BABAM2: variants seen among roughly 807,000 people sequenced by gnomAD.
The protein encoded by BABAM2 is BRISC and BRCA1 A complex member 2.
A neutral mutation model predicts 54.7 loss-of-function variants in BABAM2; 31 were observed. That is an observed-to-expected ratio of 0.57 (90% CI 0.43 to 0.77). The LOEUF is 0.77. BABAM2 is among the 30% of genes least tolerant of loss of function. The pLI is 0.00. For missense variants in BABAM2, 364 were observed against 455.8 expected, an observed-to-expected ratio of 0.80 and a Z score of 1.83; for synonymous variants, 167 against 162.9, an observed-to-expected ratio of 1.03 and a Z score of -0.19.
At chr2:28,034,284 G>A (rs1233241597) in intron 5 of BABAM2, among the ~76,000 whole-genome samples, 3 of 152,146 alleles carry the variant, frequency 2.0e-5, no homozygotes, top group Non-Finnish European at 4.4e-5. Flanking sequence ...CTTTTTGTGT[G>A]ACTCTAGGTT....
intron 7 of BABAM2, among the ~76,000 whole-genome samples, chr2:28,169,733 A>G (rs562891737): frequency 1.9e-4 from 29 of 151,672 alleles, no homozygotes; most frequent in African/African-American, 6.8e-4. Context: ...CTGTGATTGT[A>G]CCAATGTACA....
At chr2:28,248,918 T>C (rs1683161462) in intron 10 of BABAM2, among the ~76,000 whole-genome samples, 1 of 152,180 alleles carries the variant, frequency 6.6e-6, no homozygotes, top group South Asian at 2.1e-4. Flanking sequence ...TGCTCAGTAC[T>C]ATGCGAGGTA....
At chr2:28,014,550 G>A (rs1187641184) in intron 4 of BABAM2, among the ~76,000 whole-genome samples, 1 of 151,144 alleles carries the variant, frequency 6.6e-6, no homozygotes, top group Non-Finnish European at 1.5e-5. Flanking sequence ...CCATTTATTG[G>A]TGTCTACTTA....
chr2:28,315,436 CTTTTCTTTTCTTTTCT>C (rs1435625594), intron 11 of BABAM2, among the ~76,000 whole-genome samples: 10 of 33,714 alleles, frequency 3.0e-4, no homozygotes, highest in South Asian at 1.1e-3. Context: ...CTTTTCTTTT[CTTTTCTTTTCTTTTCT>C]TTTCTTTTCT....
In BABAM2 at chr2:28,183,739, T is replaced by TCTCTCACACACACA. The variant is rs1553336494; in HGVS notation, c.681-53462_681-53461insTCTCACACACACAC. On this transcript the variant is annotated intron_variant, in intron 7 of 11. Coordinates refer to ENST00000379624, the MANE Select transcript of BABAM2 (RefSeq NM_199191.3). ...ATTTTATGTTACTTTTGGATGAAGA[T>TCTCTCACACACACA]CACACACACACACACACACACACAC... Among the ~76,000 whole-genome samples the TCTCTCACACACACA allele has an allele frequency of 8.1e-3, 1,076 of 133,184 alleles. 10 individuals carry two copies. Among genetic ancestry groups the TCTCTCACACACACA allele is most frequent in the South Asian group, 0.02 (80 of 4,092 alleles). 87.4% of individuals were successfully genotyped at this position (133,184 alleles called of 152,430 possible).
chr2:28,133,185 T>C (rs1209076404), intron 7 of BABAM2, among the ~76,000 whole-genome samples: 4 of 152,250 alleles, frequency 2.6e-5, no homozygotes, highest in Admixed American at 2.6e-4. Flanking sequence ...ATACTTGTGG[T>C]TAATTCTTCC....
chr2:28,185,499 T>C (rs1676181529), intron 7 of BABAM2, among the ~76,000 whole-genome samples: 1 of 152,226 alleles, frequency 6.6e-6, no homozygotes, highest in African/African-American at 2.4e-5. Context: ...CTTGGATTCC[T>C]GCAATACTAA....
intron 6 of BABAM2, among the ~76,000 whole-genome samples, chr2:28,092,004 T>C (rs1032079225): frequency 1.3e-5 from 2 of 152,100 alleles, no homozygotes; most frequent in Non-Finnish European, 2.9e-5. Context: ...CCAAAATCTA[T>C]CTAGGATGTT....
intron 7 of BABAM2, among the ~76,000 whole-genome samples, chr2:28,181,465 T>C (rs1244154641): frequency 6.6e-6 from 1 of 152,138 alleles, no homozygotes; most frequent in Non-Finnish European, 1.5e-5. Context: ...TACAAACATA[T>C]AGTTAGAAGG....
intron 4 of BABAM2, among the ~76,000 whole-genome samples, chr2:28,017,364 A>G (rs1447647986): frequency 6.6e-6 from 1 of 151,538 alleles, no homozygotes; most frequent in East Asian, 1.9e-4. Context: ...GTTGTTGGTG[A>G]TTTCCTAAGA....
intron 11 of BABAM2, among the ~76,000 whole-genome samples, chr2:28,321,516 G>A (rs1354272964): frequency 1.3e-5 from 2 of 152,142 alleles, no homozygotes; most frequent in Admixed American, 1.3e-4. Flanking sequence ...GGAATCGTGT[G>A]AAATCTAAGC....
At chr2:28,335,358 C>T (rs956643784) in intron 11 of BABAM2, among the ~76,000 whole-genome samples, 2 of 152,068 alleles carry the variant, frequency 1.3e-5, no homozygotes, top group East Asian at 1.9e-4. Flanking sequence ...TTAGTAGAGA[C>T]GGGGTTTCGC....
At chr2:27,962,130 T>C (rs1411449113) in intron 3 of BABAM2, among the ~76,000 whole-genome samples, 1 of 150,564 alleles carries the variant, frequency 6.6e-6, no homozygotes, top group Non-Finnish European at 1.5e-5. Flanking sequence ...TTTTAAGAAA[T>C]GAGATCTCAC....
At chr2:27,899,531 A>G (rs1011965686) in intron 2 of BABAM2, among the ~76,000 whole-genome samples, 3 of 151,416 alleles carry the variant, frequency 2.0e-5, no homozygotes, top group Non-Finnish European at 4.4e-5. Flanking sequence ...CTGGAGGGCA[A>G]TGGCGCGATC....
chr2:28,039,592 C>G (rs1180815391), intron 5 of BABAM2, among the ~76,000 whole-genome samples: 1 of 152,184 alleles, frequency 6.6e-6, no homozygotes, highest in Non-Finnish European at 1.5e-5. Flanking sequence ...CAGATAAAAG[C>G]TTGTTTGTTG....
chr2:28,301,872 A>T (rs201207687), intron 11 of BABAM2, among the ~76,000 whole-genome samples: 15 of 152,272 alleles, frequency 9.9e-5, no homozygotes, highest in East Asian at 1.9e-4. Flanking sequence ...ATCTTTTTTT[A>T]AAATTACAGT....
intron 5 of BABAM2, among the ~76,000 whole-genome samples, chr2:28,026,949 AAT>A (rs1270629453): frequency 1.5e-3 from 5 of 3,276 alleles, no homozygotes; most frequent in South Asian, 0.056. Flanking sequence ...AATATATATT[AAT>A]ATATATAAAT....
Position 28,241,775 on chromosome 2 carries a change from G to A in BABAM2, c.851+382G>A, listed in dbSNP as rs79517004. Reference sequence around the variant, plus strand: ...CCCAAAGTGCTGGGATTACAGGCGTGAGCCACCACACCCAGCCCCACATGA... The same window carrying A: ...CCCAAAGTGCTGGGATTACAGGCGTAAGCCACCACACCCAGCCCCACATGA... On this transcript the variant is annotated intron_variant, in intron 9 of 11. Transcript: ENST00000379624. Among the ~76,000 whole-genome samples the A allele has an allele frequency of 7.3e-5, 11 of 151,694 alleles. No homozygotes were observed. The East Asian group carries it at 9.7e-4, about 13-fold the overall frequency.
intron 7 of BABAM2, among the ~76,000 whole-genome samples, chr2:28,174,400 G>A (rs577426825): frequency 1.3e-5 from 2 of 152,352 alleles, no homozygotes; most frequent in African/African-American, 2.4e-5. Context: ...GACGCATCCG[G>A]CACTTGCCTC....
Sources: gnomAD v4.1 joint callset for allele counts (sites outside exome capture counted in the v4.1 genomes callset) on GRCh38, gnomAD v4.1.1 for gene constraint, MANE v1.5 for transcripts, NCBI Gene and HGNC (gene_info 2026-07-23, HGNC 2026-07-21) for gene names.